TNR: variants seen among roughly 807,000 people sequenced by gnomAD.
TNR encodes tenascin-R.
TNR carries 45 observed loss-of-function variants against 150.4 expected under a neutral mutation model. That is an observed-to-expected ratio of 0.30 (90% CI 0.24 to 0.38). TNR has a LOEUF of 0.38. Ranked by LOEUF, TNR falls within the 10% of genes least tolerant of loss-of-function variation. The pLI is 1.00. For missense variants in TNR, 1,544 were observed against 1,759.1 expected (o/e 0.88, Z 2.19); for synonymous variants, 687 against 678.4 (o/e 1.01, Z -0.20).
chr1:175,580,044 G>A (rs1011511514), intron 1 of TNR, among the ~76,000 whole-genome samples: 6 of 152,114 alleles, frequency 3.9e-5, no homozygotes, highest in Admixed American at 6.5e-5. Context: ...CTACAGAGTC[G>A]ACCCCAAGAA....
chr1:175,322,353 G>C lies in TNR; in HGVS notation c.*1004C>G, dbSNP rs143154537. The C allele has an allele frequency of 8.5e-5, 13 of 152,410 alleles. No individual in the cohort carries two copies. Among genetic ancestry groups the C allele is most frequent in the African/African-American group, 2.6e-4 (11 of 41,588 alleles). 9.4% of individuals were successfully genotyped at this position (152,410 alleles called of 1,614,324 possible). A position where few individuals can be genotyped will look rare whatever the true frequency, so the allele number is the denominator to read the frequency against. The stretch of plus-strand genomic sequence containing the variant: ...TGCTGGTTGGGCTTTTGAGGCTCTG[G>C]GGTCTAAGACAGGATGGGATTAGGC... On this transcript the variant is annotated 3_prime_UTR_variant, in exon 23 of 23. Coordinates refer to ENST00000367674, the MANE Select transcript of TNR (RefSeq NM_003285.3).
At chr1:175,348,580 G>T (rs1650907002) in intron 18 of TNR, among the ~76,000 whole-genome samples, 1 of 152,162 alleles carries the variant, frequency 6.6e-6, no homozygotes, top group Non-Finnish European at 1.5e-5. Flanking sequence ...TGGAAAAACA[G>T]ATCTGAGAGT....
intron 1 of TNR, among the ~76,000 whole-genome samples, chr1:175,568,458 T>A (rs1363688763): frequency 6.6e-6 from 1 of 152,186 alleles, no homozygotes; most frequent in Non-Finnish European, 1.5e-5. Context: ...ATAGAGAAGA[T>A]CCTTCACTTT....
intron 1 of TNR, among the ~76,000 whole-genome samples, chr1:175,701,833 T>A (rs1666705770): frequency 6.6e-6 from 1 of 152,202 alleles, no homozygotes; most frequent in Non-Finnish European, 1.5e-5. Context: ...TGAGTCACAA[T>A]GTGCATTTGA....
At chr1:175,624,607 C>T (rs1488480484) in intron 1 of TNR, among the ~76,000 whole-genome samples, 2 of 152,028 alleles carry the variant, frequency 1.3e-5, no homozygotes, top group Non-Finnish European at 2.9e-5. Context: ...AGAGGTAGTC[C>T]CACTACAGGT....
chr1:175,663,076 G>T (rs966672342), intron 1 of TNR, among the ~76,000 whole-genome samples: 4 of 152,132 alleles, frequency 2.6e-5, no homozygotes, highest in Non-Finnish European at 5.9e-5. Flanking sequence ...AAAAATTACA[G>T]ATACTGTTAT....
At chr1:175,592,652 A>G (rs567237563) in intron 1 of TNR, among the ~76,000 whole-genome samples, 61 of 152,206 alleles carry the variant, frequency 4.0e-4, no homozygotes, top group Non-Finnish European at 7.9e-4. Context: ...TCTGCTGTTA[A>G]CCATCATTCA....
chr1:175,447,273 A>G (rs1243604015), intron 2 of TNR, among the ~76,000 whole-genome samples: 1 of 152,168 alleles, frequency 6.6e-6, no homozygotes, highest in Non-Finnish European at 1.5e-5. Flanking sequence ...CCCCCACACC[A>G]GCAGTGGATT....
At chr1:175,405,067 T>C (rs567811080) in intron 3 of TNR, among the ~76,000 whole-genome samples, 1 of 152,300 alleles carries the variant, frequency 6.6e-6, no homozygotes, top group South Asian at 2.1e-4. Flanking sequence ...TTCATCCCCG[T>C]GAAAGCCTTG....
chr1:175,392,494 G>A (rs1420325896), intron 6 of TNR, among the ~76,000 whole-genome samples: 1 of 152,296 alleles, frequency 6.6e-6, no homozygotes, highest in Non-Finnish European at 1.5e-5. Context: ...ATTGGGTATA[G>A]GTAACAGGAG....
At chr1:175,451,283 T>C (rs7532066) in intron 2 of TNR, among the ~76,000 whole-genome samples, 2,258 of 152,030 alleles carry the variant, frequency 0.015, 73 homozygotes, top group African/African-American at 0.052. Flanking sequence ...AGGTTTGTTA[T>C]ATATGTATAC....
intron 1 of TNR, among the ~76,000 whole-genome samples, chr1:175,625,976 G>A (rs1443707589): frequency 6.6e-6 from 1 of 151,848 alleles, no homozygotes; most frequent in Non-Finnish European, 1.5e-5. Context: ...CCGGGGGGGA[G>A]GTAATTGAAT....
chr1:175,545,542 A>G (rs1364290996), intron 1 of TNR, among the ~76,000 whole-genome samples: 1 of 152,228 alleles, frequency 6.6e-6, no homozygotes, highest in Non-Finnish European at 1.5e-5. Flanking sequence ...CTGAGGCTAT[A>G]TGCCTGAAAA....
intron 2 of TNR, among the ~76,000 whole-genome samples, chr1:175,493,042 C>T (rs1431023480): frequency 1.3e-5 from 2 of 151,940 alleles, no homozygotes; most frequent in South Asian, 2.1e-4. Context: ...GTGGACTTGG[C>T]GCATTTCTCC....
At chr1:175,432,785 A>G (rs1363128003) in intron 2 of TNR, among the ~76,000 whole-genome samples, 1 of 151,838 alleles carries the variant, frequency 6.6e-6, no homozygotes, top group Non-Finnish European at 1.5e-5. Flanking sequence ...TTCACCCAAT[A>G]TTCACTCTCC....
At chr1:175,468,550 T>A (rs941771718) in intron 2 of TNR, among the ~76,000 whole-genome samples, 1 of 152,168 alleles carries the variant, frequency 6.6e-6, no homozygotes, top group African/African-American at 2.4e-5. Flanking sequence ...CAGGAGACTA[T>A]GAACACAGAG....
At chr1:175,607,816 A>G (rs2101852489) in intron 1 of TNR, among the ~76,000 whole-genome samples, 1 of 152,336 alleles carries the variant, frequency 6.6e-6, no homozygotes, top group East Asian at 1.9e-4. Context: ...TTTGCATCTC[A>G]GCTTTCTCAT....
intron 15 of TNR, 111 bp from the exon 16 acceptor site, chr1:175,356,573 A>G (rs1211933951): frequency 7.6e-7 from 1 of 1,314,706 alleles, no homozygotes; most frequent in East Asian, 2.4e-5. Flanking sequence ...ATTTTGGAAA[A>G]AAATCTTTCA....
chr1:175,422,280 C>T (rs1057462064), intron 2 of TNR, among the ~76,000 whole-genome samples: 1 of 152,192 alleles, frequency 6.6e-6, no homozygotes, highest in African/African-American at 2.4e-5. Context: ...TGTTTTCCCC[C>T]TGGAGGGTCC....
Sources: gnomAD v4.1 joint callset for allele counts (sites outside exome capture counted in the v4.1 genomes callset) on GRCh38, gnomAD v4.1.1 for gene constraint, MANE v1.5 for transcripts, NCBI Gene and HGNC (gene_info 2026-07-23, HGNC 2026-07-21) for gene names.